Variants in SH3GL2 observed in about 807,000 individuals in gnomAD.
SH3GL2 encodes the protein endophilin-A1.
SH3GL2 carries 24 observed loss-of-function variants against 46.0 expected under a neutral mutation model. The observed-to-expected ratio is 0.52, with a 90% CI of 0.38 to 0.73. The LOEUF is 0.73. SH3GL2 is among the 30% of genes least tolerant of loss of function. The pLI, the probability that SH3GL2 is intolerant of heterozygous loss-of-function variation, is 0.00. For synonymous variants in SH3GL2, 196 were observed against 147.1 expected, an observed-to-expected ratio of 1.33 and a Z score of -2.40; for missense variants, 413 against 424.2, an observed-to-expected ratio of 0.97 and a Z score of 0.23.
At chr9:17,626,478 T>G (rs78253971) in intron 1 of SH3GL2, among the ~76,000 whole-genome samples, 3,774 of 152,316 alleles carry the variant, frequency 0.025, 152 homozygotes, top group African/African-American at 0.087. Context: ...TGTTTTTGAT[T>G]TTATTTTCTT....
At chr9:17,677,276 A>G (rs1230553313) in intron 1 of SH3GL2, among the ~76,000 whole-genome samples, 3 of 152,154 alleles carry the variant, frequency 2.0e-5, no homozygotes, top group African/African-American at 4.8e-5. Flanking sequence ...CATTCACTGT[A>G]TAATCTTGTT....
chr9:17,615,384 C>T (rs966000006), intron 1 of SH3GL2, among the ~76,000 whole-genome samples: 3 of 152,076 alleles, frequency 2.0e-5, no homozygotes, highest in African/African-American at 7.2e-5. Context: ...TGGCTGGGTG[C>T]GGTGGCTCAT....
At chr9:17,747,560 G>C (rs181127448) in intron 2 of SH3GL2, among the ~76,000 whole-genome samples, 1 of 152,322 alleles carries the variant, frequency 6.6e-6, no homozygotes, top group Admixed American at 6.5e-5. Context: ...GCCATGTATA[G>C]TGGAGAGAAT....
At chr9:17,645,876 C>A (rs1226634192) in intron 1 of SH3GL2, among the ~76,000 whole-genome samples, 1 of 152,058 alleles carries the variant, frequency 6.6e-6, no homozygotes. Context: ...TGAGGAGTAT[C>A]TTTGTGGTGT....
At chr9:17,635,149 C>G (rs555653375) in intron 1 of SH3GL2, among the ~76,000 whole-genome samples, 20 of 152,226 alleles carry the variant, frequency 1.3e-4, no homozygotes, top group Admixed American at 1.2e-3. Flanking sequence ...ACCTACCACC[C>G]TCCTATAGGC....
intron 1 of SH3GL2, among the ~76,000 whole-genome samples, chr9:17,745,340 T>C (rs111601460): frequency 6.6e-6 from 1 of 152,328 alleles, no homozygotes; most frequent in Non-Finnish European, 1.5e-5. Flanking sequence ...AACTGTGGTA[T>C]GGTAAACAGA....
intron 1 of SH3GL2, among the ~76,000 whole-genome samples, chr9:17,699,282 A>G (rs1821286810): frequency 1.3e-5 from 2 of 151,098 alleles, no homozygotes; most frequent in African/African-American, 2.4e-5. Flanking sequence ...TAAAGATACT[A>G]TTAGACTTCT....
rs1821711831 is a variant in SH3GL2 at position 17,714,820 on chromosome 9, C to G, written c.46-32246C>G. 2.0e-5 allele frequency among the ~76,000 whole-genome samples: 3 copies of G among 151,638 alleles called. No homozygotes were observed. In the South Asian group the frequency reaches 6.2e-4, roughly 31 times the overall value. ...TATATAACCTGTAACATTTTCTATG[C>G]TTTTAATTTCTCATGTAGATCCAGA... is the stretch of plus-strand genomic sequence containing the variant. On this transcript the variant is annotated intron_variant, in intron 1 of 8. Transcript: ENST00000380607.
At chr9:17,584,574 A>G (rs1818337433) in intron 1 of SH3GL2, among the ~76,000 whole-genome samples, 1 of 152,222 alleles carries the variant, frequency 6.6e-6, no homozygotes, top group Non-Finnish European at 1.5e-5. Context: ...TCACTCCAAC[A>G]GTTCTGTTAC....
intron 2 of SH3GL2, among the ~76,000 whole-genome samples, chr9:17,760,286 AAC>A (rs754940901): frequency 2.0e-5 from 3 of 152,210 alleles, no homozygotes; most frequent in Non-Finnish European, 4.4e-5. Flanking sequence ...AGTAATAGCA[AAC>A]ACACACAGTA....
intron 2 of SH3GL2, among the ~76,000 whole-genome samples, chr9:17,750,724 G>A (rs10963246): frequency 1.2e-4 from 19 of 152,216 alleles, no homozygotes; most frequent in Non-Finnish European, 7.3e-5. Flanking sequence ...GAAATTTGAA[G>A]AACCTCTGGT....
chr9:17,647,437 C>G (rs1819846014), intron 1 of SH3GL2, among the ~76,000 whole-genome samples: 2 of 152,094 alleles, frequency 1.3e-5, no homozygotes, highest in African/African-American at 2.4e-5. Context: ...CTGTCTCTCT[C>G]TCTACCGTTT....
At chr9:17,696,510 A>T (rs57136446) in intron 1 of SH3GL2, among the ~76,000 whole-genome samples, 11,604 of 152,148 alleles carry the variant, frequency 0.076, 608 homozygotes, top group Admixed American at 0.14. Flanking sequence ...ATGGCTGGGG[A>T]GGTCTCAGGA....
At chr9:17,580,638 A>T (rs1818260251) in intron 1 of SH3GL2, among the ~76,000 whole-genome samples, 1 of 152,188 alleles carries the variant, frequency 6.6e-6, no homozygotes, top group Non-Finnish European at 1.5e-5. Context: ...TCTCTGCCAG[A>T]CATGTTTATG....
chr9:17,677,630 A>ATG (rs1027007320), intron 1 of SH3GL2, among the ~76,000 whole-genome samples: 3 of 151,226 alleles, frequency 2.0e-5, no homozygotes, highest in African/African-American at 7.3e-5. Context: ...TATGGTATAT[A>ATG]TATATATATA....
intron 6 of SH3GL2, 172 bp downstream of exon 6, chr9:17,789,722 A>G: frequency 7.3e-7 from 1 of 1,366,176 alleles, no homozygotes; most frequent in Non-Finnish European, 9.5e-7. Context: ...ACTGAGAAAT[A>G]GAAAAGTTTC....
intron 1 of SH3GL2, among the ~76,000 whole-genome samples, chr9:17,613,134 T>C (rs1015183273): frequency 1.3e-5 from 2 of 152,200 alleles, no homozygotes; most frequent in African/African-American, 4.8e-5. Context: ...TATTGTACAA[T>C]AACATTCAAT....
At chr9:17,699,911 T>C (rs717373) in intron 1 of SH3GL2, among the ~76,000 whole-genome samples, 89,292 of 152,048 alleles carry the variant, frequency 0.59, 28,187 homozygotes, top group African/African-American at 0.82. Context: ...ACTCAGGAGT[T>C]ATGTTGCTGT....
At chr9:17,625,754 G>A (rs150222666) in intron 1 of SH3GL2, among the ~76,000 whole-genome samples, 25 of 152,308 alleles carry the variant, frequency 1.6e-4, no homozygotes, top group African/African-American at 6.0e-4. Context: ...AATTGGCAGG[G>A]TAGGAGGTGG....
Sources: allele counts gnomAD v4.1 joint callset (sites outside exome capture counted in the v4.1 genomes callset), GRCh38; gene constraint gnomAD v4.1.1; transcripts MANE v1.5; gene names NCBI Gene and HGNC (gene_info 2026-07-23, HGNC 2026-07-21).